The following PLXNA4 variants were observed in gnomAD, a reference collection of about 807,000 sequenced individuals.
PLXNA4 encodes plexin-A4.
PLXNA4 carries 44 observed loss-of-function variants against 191.8 expected under a neutral mutation model. The observed-to-expected ratio is 0.23, with a 90% CI of 0.18 to 0.29. The LOEUF is 0.29. Among genes scored for constraint, PLXNA4 ranks in the 10% least tolerant of loss-of-function variants. The probability of loss-of-function intolerance (pLI) is 1.00; values close to 1 mark genes in which losing one functional copy is unlikely to be tolerated. For synonymous variants in PLXNA4, 1,082 were observed against 1,009.5 expected (o/e 1.07, Z -1.36); for missense variants, 1,800 against 2,488.8 (o/e 0.72, Z 5.89).
At chr7:132,342,266 T>A (rs1223200099) in intron 3 of PLXNA4, among the ~76,000 whole-genome samples, 1 of 146,620 alleles carries the variant, frequency 6.8e-6, no homozygotes, top group African/African-American at 2.5e-5. Flanking sequence ...ATAAAAAAAA[T>A]AAAGTTGGAT....
At chr7:132,431,784 G>T (rs1012851726) in intron 3 of PLXNA4, among the ~76,000 whole-genome samples, 5 of 152,184 alleles carry the variant, frequency 3.3e-5, no homozygotes, top group African/African-American at 1.2e-4. Flanking sequence ...ATGTGACTAC[G>T]TAAATAAGGA....
intron 14 of PLXNA4, among the ~76,000 whole-genome samples, chr7:132,192,473 G>A (rs1455121630): frequency 1.3e-5 from 2 of 151,402 alleles, no homozygotes; most frequent in Non-Finnish European, 2.9e-5. Context: ...AGGAAGAAAG[G>A]AAGGGAGGGA....
chr7:132,386,039 T>C (rs74973862), intron 3 of PLXNA4, among the ~76,000 whole-genome samples: 2 of 152,180 alleles, frequency 1.3e-5, no homozygotes, highest in Non-Finnish European at 2.9e-5. Flanking sequence ...TTAGTAAAGA[T>C]GGCATGATGT....
intron 1 of PLXNA4, among the ~76,000 whole-genome samples, chr7:132,550,859 G>A (rs1800531903): frequency 6.6e-6 from 1 of 152,004 alleles, no homozygotes; most frequent in South Asian, 2.1e-4. Context: ...TGACCTCCTG[G>A]CCACTCACAC....
chr7:132,343,280 T>C (rs1414669607), intron 3 of PLXNA4, among the ~76,000 whole-genome samples: 1 of 152,220 alleles, frequency 6.6e-6, no homozygotes, highest in Non-Finnish European at 1.5e-5. Context: ...TTTTTAAATG[T>C]GTGGCCGAGC....
At chr7:132,431,093 C>T (rs1163747078) in intron 3 of PLXNA4, among the ~76,000 whole-genome samples, 1 of 152,112 alleles carries the variant, frequency 6.6e-6, no homozygotes, top group East Asian at 1.9e-4. Context: ...AAAACCGAGG[C>T]AATAAAATGG....
At chr7:132,343,520 TTG>T (rs570418090) in intron 3 of PLXNA4, among the ~76,000 whole-genome samples, 28 of 152,286 alleles carry the variant, frequency 1.8e-4, no homozygotes, top group Non-Finnish European at 3.5e-4. Context: ...CTTCTGAAAT[TTG>T]TGTCCTTTGA....
At chr7:132,148,493 G>T in intron 26 of PLXNA4, 50 bp downstream of exon 26, 3 of 1,609,822 alleles carry the variant, frequency 1.9e-6, no homozygotes, top group Non-Finnish European at 2.5e-6. Context: ...GATTTCCAGG[G>T]CAAGGGACTT....
At chr7:132,414,490 G>A (rs947071278) in intron 3 of PLXNA4, among the ~76,000 whole-genome samples, 6 of 152,134 alleles carry the variant, frequency 3.9e-5, no homozygotes, top group Non-Finnish European at 8.8e-5. Flanking sequence ...AGGAGACTGG[G>A]GTGGCAGAGA....
intron 3 of PLXNA4, among the ~76,000 whole-genome samples, chr7:132,444,380 G>A (rs1300751437): frequency 1.3e-5 from 2 of 152,172 alleles, no homozygotes; most frequent in Non-Finnish European, 2.9e-5. Flanking sequence ...TCAGCCTCCC[G>A]AGTAGCTGGG....
At chr7:132,240,186 A>G (rs568702491) in intron 5 of PLXNA4, among the ~76,000 whole-genome samples, 6 of 152,312 alleles carry the variant, frequency 3.9e-5, no homozygotes, top group South Asian at 4.1e-4. Context: ...GCACATTTCA[A>G]TTGTTGGCCA....
intron 3 of PLXNA4, among the ~76,000 whole-genome samples, chr7:132,348,641 C>G (rs1803348760): frequency 6.6e-6 from 1 of 152,180 alleles, no homozygotes; most frequent in African/African-American, 2.4e-5. Context: ...CTGTAGGGAT[C>G]AATATTTAGG....
intron 21 of PLXNA4, among the ~76,000 whole-genome samples, chr7:132,174,311 A>T (rs1321875925): frequency 1.3e-5 from 2 of 152,152 alleles, no homozygotes; most frequent in Non-Finnish European, 2.9e-5. Flanking sequence ...ATGATTTCTC[A>T]TTCACATTTC....
intron 2 of PLXNA4, among the ~76,000 whole-genome samples, chr7:132,591,536 A>ACAT (rs1802603484): frequency 1.3e-5 from 2 of 152,246 alleles, no homozygotes; most frequent in African/African-American, 4.8e-5. Flanking sequence ...TGCATATAAT[A>ACAT]TACATAATGC....
intron 13 of PLXNA4, among the ~76,000 whole-genome samples, chr7:132,196,281 G>A (rs1009297292): frequency 6.6e-6 from 1 of 152,240 alleles, no homozygotes; most frequent in South Asian, 2.1e-4. Flanking sequence ...ATGCCACGCT[G>A]CCTTGCACCC....
chr7:132,563,376 TTCTC>T, intron 1 of PLXNA4, among the ~76,000 whole-genome samples: 1 of 104,188 alleles, frequency 9.6e-6, no homozygotes, highest in African/African-American at 3.8e-5. Context: ...CTCCTCCTCC[TTCTC>T]CTCCTCCTCC....
At chr7:132,288,847 A>G (rs1456911392) in intron 4 of PLXNA4, among the ~76,000 whole-genome samples, 1 of 152,146 alleles carries the variant, frequency 6.6e-6, no homozygotes, top group Non-Finnish European at 1.5e-5. Context: ...CTTCTATCAA[A>G]TCAATGTCTA....
At chr7:132,624,613 C>A (rs1266010008) in intron 2 of PLXNA4, among the ~76,000 whole-genome samples, 1 of 152,166 alleles carries the variant, frequency 6.6e-6, no homozygotes, top group African/African-American at 2.4e-5. Context: ...GCTACTCAAT[C>A]TTGGAAAGGG....
chr7:132,130,480 C>G lies in PLXNA4; in HGVS notation c.5684G>C (p.Ter1895SerextTer37), dbSNP rs748399835. The G allele has an allele frequency of 6.2e-7, 1 of 1,614,192 alleles. No individual in the cohort carries two copies. The change falls in exon 32 of 32, where the codon TGA becomes TCA. Residue 1895 changes from the stop codon to serine, a stop_lost. Transcript: ENST00000321063. ...AGGGCGGCCCTGGAAGGACGGTTCT[C>G]AGCTGTCTAAGCTCATGAGGGTTAT... ...QVITLMSLDS[*>S]
Sources: gnomAD v4.1 joint callset for allele counts (sites outside exome capture counted in the v4.1 genomes callset) on GRCh38, gnomAD v4.1.1 for gene constraint, MANE v1.5 for transcripts, NCBI Gene and HGNC (gene_info 2026-07-23, HGNC 2026-07-21) for gene names.